Variants in LRP1B observed in about 807,000 individuals in gnomAD.
LRP1B encodes the protein LDL receptor related protein 1B.
A neutral mutation model predicts 556.6 loss-of-function variants in LRP1B; 217 were observed. That is an observed-to-expected ratio of 0.39 (90% CI 0.35 to 0.44). The LOEUF is 0.44. Ranked by LOEUF, LRP1B falls within the 20% of genes least tolerant of loss-of-function variation. The pLI, the probability that LRP1B is intolerant of heterozygous loss-of-function variation, is 1.00. For synonymous variants in LRP1B, 2,047 were observed against 1,865.8 expected (o/e 1.10, Z -2.50); for missense variants, 5,053 against 5,620.8 (o/e 0.90, Z 3.23).
chr2:141,327,883 A>AGG (rs2105484669), intron 3 of LRP1B, among the ~76,000 whole-genome samples: 2 of 96,868 alleles, frequency 2.1e-5, no homozygotes, highest in African/African-American at 5.1e-5. Context: ...AGTGAGAGAG[A>AGG]GAGAGAGAGA....
chr2:140,797,115 T>C (rs1690342862), intron 32 of LRP1B, among the ~76,000 whole-genome samples: 3 of 151,978 alleles, frequency 2.0e-5, no homozygotes, highest in Admixed American at 2.0e-4. Context: ...TAAATTATTT[T>C]AAAGATTTAA....
intron 3 of LRP1B, among the ~76,000 whole-genome samples, chr2:141,320,387 A>G (rs1241707871): frequency 1.3e-5 from 2 of 152,082 alleles, no homozygotes; most frequent in Admixed American, 6.6e-5. Flanking sequence ...AACACAGAAT[A>G]TTTAGGGAAT....
At chr2:140,620,896 A>C (rs2105250246) in intron 41 of LRP1B, among the ~76,000 whole-genome samples, 1 of 152,262 alleles carries the variant, frequency 6.6e-6, no homozygotes, top group South Asian at 2.1e-4. Context: ...TAACATAAAA[A>C]ATAAGAATTC....
At chr2:141,991,197 A>G (rs1460664146) in intron 1 of LRP1B, among the ~76,000 whole-genome samples, 1 of 152,044 alleles carries the variant, frequency 6.6e-6, no homozygotes, top group African/African-American at 2.4e-5. Context: ...CATTATGTAA[A>G]TGTATTTGTA....
intron 3 of LRP1B, among the ~76,000 whole-genome samples, chr2:141,275,034 G>A (rs756776784): frequency 1.1e-4 from 17 of 152,078 alleles, no homozygotes; most frequent in African/African-American, 2.2e-4. Context: ...GGAAAAAGGC[G>A]AATGATCCAG....
intron 66 of LRP1B, among the ~76,000 whole-genome samples, chr2:140,429,168 A>G (rs1250321264): frequency 2.0e-5 from 3 of 152,160 alleles, no homozygotes; most frequent in Non-Finnish European, 2.9e-5. Flanking sequence ...AAAGCCTGTT[A>G]TCACTCGCCT....
chr2:140,796,988 T>C (rs535150270), intron 32 of LRP1B, among the ~76,000 whole-genome samples: 1 of 152,112 alleles, frequency 6.6e-6, no homozygotes. Flanking sequence ...AAAAGTCAGG[T>C]ATAAATATTA....
intron 86 of LRP1B, among the ~76,000 whole-genome samples, chr2:140,264,551 G>A (rs1330565434): frequency 1.3e-5 from 2 of 152,230 alleles, no homozygotes; most frequent in East Asian, 3.9e-4. Context: ...ACCATACCCA[G>A]CCATTTGAAA....
rs1688377659 is a variant in LRP1B, at chr2:140,484,361, T to C, written c.9425+982A>G. The stretch of plus-strand genomic sequence containing the variant: ...GACCAAAAAAATTAACAGAGATACA[T>C]TAACGAGAAGCAAAATCTAATTGTT... On this transcript the variant is annotated intron_variant, in intron 59 of 90. Transcript: ENST00000389484. Among the ~76,000 whole-genome samples, 4 of 152,124 alleles carry C rather than the reference T, an allele frequency of 2.6e-5. No homozygotes were observed. In the South Asian group the frequency reaches 8.3e-4, roughly 32 times the overall value.
intron 21 of LRP1B, among the ~76,000 whole-genome samples, chr2:140,909,124 C>A (rs1311214515): frequency 6.6e-6 from 1 of 152,076 alleles, no homozygotes; most frequent in South Asian, 2.1e-4. Context: ...TGTTTCACTG[C>A]AAATTATTCC....
At chr2:140,612,899 G>A (rs187958561) in intron 41 of LRP1B, among the ~76,000 whole-genome samples, 27 of 151,936 alleles carry the variant, frequency 1.8e-4, no homozygotes, top group African/African-American at 6.5e-4. Context: ...CATGGACTAA[G>A]TTCATCTAGC....
At chr2:141,895,965 A>ATTTAAGAATT (rs1558946506) in intron 1 of LRP1B, among the ~76,000 whole-genome samples, 1 of 151,256 alleles carries the variant, frequency 6.6e-6, no homozygotes, top group Non-Finnish European at 1.5e-5. Flanking sequence ...TTTAGAAAAT[A>ATTTAAGAATT]TTTAAGTATT....
At chr2:140,520,317 A>G (rs1264574795) in intron 49 of LRP1B, among the ~76,000 whole-genome samples, 1 of 152,144 alleles carries the variant, frequency 6.6e-6, no homozygotes, top group African/African-American at 2.4e-5. Context: ...GACATGGATG[A>G]AGCTGGAAAC....
At chr2:141,790,723 T>A (rs1695584141) in intron 2 of LRP1B, among the ~76,000 whole-genome samples, 1 of 151,952 alleles carries the variant, frequency 6.6e-6, no homozygotes, top group Non-Finnish European at 1.5e-5. Flanking sequence ...CCAGTCCATA[T>A]TTTTTTGTTG....
intron 35 of LRP1B, among the ~76,000 whole-genome samples, chr2:140,750,079 TACACACACAC>T (rs59747381): frequency 0.32 from 48,343 of 150,534 alleles, 7,813 homozygotes; most frequent in South Asian, 0.46. Context: ...TGTGCACACG[TACACACACAC>T]ACACACACAC....
rs2105191913 is a variant in LRP1B, at chr2:140,886,138, C to A, written c.3964G>T (p.Gly1322Cys). The change falls in exon 24 of 91, where the codon GGT (glycine) becomes TGT (cysteine). Residue 1322 changes from glycine (G) to cysteine (C), a missense_variant and splice_region_variant. By Grantham distance (159) the Gly-to-Cys change is radical. Transcript: ENST00000389484. ...TTAAGAAAAATTATAATATATGTACCTCCACTTTCAGAAAGCTTTCCCCGG... is the reference window on the plus strand; with the variant it reads ...TTAAGAAAAATTATAATATATGTACATCCACTTTCAGAAAGCTTTCCCCGG... ...IYRGKLSESGGVSAIEVVVEH... is the reference protein window; with the variant it reads ...IYRGKLSESGCVSAIEVVVEH... 6.4e-7 allele frequency: 1 copy of A among 1,560,058 alleles called. No individual in the cohort carries two copies. Among genetic ancestry groups the A allele is most frequent in the East Asian group, 2.3e-5 (1 of 43,700 alleles).
chr2:141,450,977 C>T (rs1039399130), intron 3 of LRP1B, among the ~76,000 whole-genome samples: 1 of 152,144 alleles, frequency 6.6e-6, no homozygotes, highest in African/African-American at 2.4e-5. Context: ...CACTATAACA[C>T]AATTGTTTGC....
intron 7 of LRP1B, among the ~76,000 whole-genome samples, chr2:141,085,809 G>A (rs1345421320): frequency 6.6e-6 from 1 of 152,126 alleles, no homozygotes; most frequent in Non-Finnish European, 1.5e-5. Flanking sequence ...TTTAATTCAA[G>A]TTTTAATGAA....
At chr2:141,291,787 C>T (rs533786886) in intron 3 of LRP1B, among the ~76,000 whole-genome samples, 8 of 135,876 alleles carry the variant, frequency 5.9e-5, no homozygotes, top group East Asian at 2.1e-4. Context: ...ACCCGGGAGG[C>T]GGAGCTTGCA....
Sources: gnomAD v4.1 joint callset for allele counts (sites outside exome capture counted in the v4.1 genomes callset) on GRCh38, gnomAD v4.1.1 for gene constraint, MANE v1.5 for transcripts, NCBI Gene and HGNC (gene_info 2026-07-23, HGNC 2026-07-21) for gene names.